CILK1: variants seen among roughly 807,000 people sequenced by gnomAD.
The protein encoded by CILK1 is serine/threonine-protein kinase ICK.
Under a neutral mutation model 79.2 loss-of-function variants are expected in CILK1, and 47 were observed. The observed-to-expected ratio is 0.59, with a 90% CI of 0.47 to 0.76. The LOEUF is 0.76. Ranked by LOEUF, CILK1 falls within the 30% of genes least tolerant of loss-of-function variation. The pLI is 0.00. For missense variants in CILK1, 660 were observed against 769.5 expected (o/e 0.86, Z 1.68); for synonymous variants, 266 against 275.9 (o/e 0.96, Z 0.36).
At chr6:53,059,412 T>C (rs998693890) in intron 1 of CILK1, among the ~76,000 whole-genome samples, 8 of 152,060 alleles carry the variant, frequency 5.3e-5, no homozygotes, top group Admixed American at 2.0e-4. Flanking sequence ...CCTAAACCAA[T>C]TGGAGATCAA....
At chr6:53,023,570 G>C (rs931331503) in intron 5 of CILK1, among the ~76,000 whole-genome samples, 4 of 152,184 alleles carry the variant, frequency 2.6e-5, no homozygotes, top group Admixed American at 1.3e-4. Context: ...GACAGAGGGA[G>C]TTGTATTAGT....
chr6:53,019,804 C>T (rs561473642), intron 5 of CILK1, among the ~76,000 whole-genome samples: 30 of 151,518 alleles, frequency 2.0e-4, no homozygotes, highest in African/African-American at 7.3e-4. Context: ...ACTACTGGCA[C>T]AAACCATGGT....
chr6:53,016,503 A>G (rs1463479393), intron 7 of CILK1, among the ~76,000 whole-genome samples: 1 of 152,198 alleles, frequency 6.6e-6, no homozygotes, highest in Non-Finnish European at 1.5e-5. Flanking sequence ...TTATCTTTAC[A>G]TAAGAGATTC....
At chr6:53,011,042 G>C (rs182779442) in intron 11 of CILK1, among the ~76,000 whole-genome samples, 16 of 152,306 alleles carry the variant, frequency 1.1e-4, no homozygotes, top group Admixed American at 5.9e-4. Context: ...CACTAATGCT[G>C]TAAGTTTGGA....
chr6:53,059,863 CTCAT>C (rs559359003), intron 1 of CILK1, among the ~76,000 whole-genome samples: 2 of 152,180 alleles, frequency 1.3e-5, no homozygotes, highest in East Asian at 3.8e-4. Flanking sequence ...AGGGATGCTT[CTCAT>C]TCATTCATTC....
At chr6:53,038,189 CCA>C (rs1766479020) in intron 2 of CILK1, among the ~76,000 whole-genome samples, 196 bp from the exon 3 acceptor site, 1 of 152,182 alleles carries the variant, frequency 6.6e-6, no homozygotes, top group Non-Finnish European at 1.5e-5. Flanking sequence ...ACAAATTTTG[CCA>C]GTAGCAGTGG....
chr6:53,018,654 G>A (rs980358246), intron 6 of CILK1, among the ~76,000 whole-genome samples, 153 bp from the exon 7 acceptor site: 4 of 152,226 alleles, frequency 2.6e-5, no homozygotes, highest in South Asian at 2.1e-4. Flanking sequence ...GGCAACTGCC[G>A]TGGGCTGCTG....
intron 1 of CILK1, among the ~76,000 whole-genome samples, chr6:53,053,631 T>C (rs1385633266): frequency 6.6e-6 from 1 of 152,212 alleles, no homozygotes; most frequent in East Asian, 1.9e-4. Flanking sequence ...GGGAAAGCTT[T>C]CAAAAGATCA....
intron 8 of CILK1, among the ~76,000 whole-genome samples, 187 bp from the exon 9 acceptor site, chr6:53,014,169 T>C (rs1764759432): frequency 1.3e-5 from 2 of 152,238 alleles, no homozygotes; most frequent in East Asian, 3.8e-4. Flanking sequence ...ATATATGTAA[T>C]GATTGCAACA....
intron 5 of CILK1, among the ~76,000 whole-genome samples, chr6:53,024,790 T>C (rs1253304770): frequency 6.6e-6 from 1 of 151,834 alleles, no homozygotes; most frequent in African/African-American, 2.4e-5. Context: ...ATAGCTATTA[T>C]AGTGTCCAGC....
chr6:53,012,385 CT>C (rs1203627420), intron 9 of CILK1, among the ~76,000 whole-genome samples, 158 bp from the exon 10 acceptor site: 8 of 152,194 alleles, frequency 5.3e-5, no homozygotes, highest in African/African-American at 1.9e-4. Flanking sequence ...CATTCCCAAT[CT>C]TTCTGTCTCA....
chr6:53,038,627 A>C (rs1042402055), intron 2 of CILK1, among the ~76,000 whole-genome samples: 1 of 152,208 alleles, frequency 6.6e-6, no homozygotes, highest in African/African-American at 2.4e-5. Flanking sequence ...TCAAAAGAAG[A>C]ATAATATTTC....
At chr6:53,015,994 TAATACTA>T in intron 8 of CILK1, 82 bp downstream of exon 8, 1 of 1,317,936 alleles carries the variant, frequency 7.6e-7, no homozygotes, top group African/African-American at 1.4e-5. Flanking sequence ...TTCTCACCCA[TAATACTA>T]AATACTAAAT....
intron 8 of CILK1, among the ~76,000 whole-genome samples, chr6:53,014,562 G>T (rs1416230743): frequency 2.0e-5 from 3 of 152,190 alleles, no homozygotes; most frequent in Non-Finnish European, 4.4e-5. Flanking sequence ...AGTTTAGGGG[G>T]TTACAATTCT....
rs185184707 is a variant in CILK1, at chr6:53,014,950, G to A, written c.832-968C>T. ...CCAAAAGCTTCTTTTCTGCCCTGCA[G>A]CCATTTGTGAATTTCACCACCAGAA... On this transcript the variant is annotated intron_variant, in intron 8 of 13. Transcript: ENST00000676107. Among the ~76,000 whole-genome samples, 162 of 152,284 alleles carry A rather than the reference G, an allele frequency of 1.1e-3. 1 individual carries two copies. The highest frequency in any genetic ancestry group is 3.8e-3 in the African/African-American group (159 of 41,552).
chr6:53,013,650 T>G lies in CILK1; in HGVS notation c.1152+12A>C. 6.2e-7 allele frequency: 1 copy of G among 1,613,200 alleles called. No individual in the cohort carries two copies. The highest frequency in any genetic ancestry group is 8.5e-7 in the Non-Finnish European group (1 of 1,179,252). ...CAGACACGAAGCTCACTGGTGAATCTGGGCTGCTCACCGACTGTGGATGCT... is the reference window on the plus strand; with the variant it reads ...CAGACACGAAGCTCACTGGTGAATCGGGGCTGCTCACCGACTGTGGATGCT... On this transcript the variant is annotated intron_variant, in intron 9 of 13. Transcript: ENST00000676107.
intron 1 of CILK1, among the ~76,000 whole-genome samples, chr6:53,061,221 G>A (rs1768422131): frequency 6.6e-6 from 1 of 152,202 alleles, no homozygotes; most frequent in African/African-American, 2.4e-5. Context: ...AAGAAATCCA[G>A]TAAAAAATGG....
At chr6:53,013,553 C>A in intron 9 of CILK1, 109 bp downstream of exon 9, 1 of 1,030,590 alleles carries the variant, frequency 9.7e-7, no homozygotes. Context: ...AAACATAAAT[C>A]TACCATAACT....
intron 13 of CILK1, 97 bp from the exon 14 acceptor site, chr6:53,005,400 G>C: frequency 7.5e-7 from 1 of 1,329,272 alleles, no homozygotes; most frequent in Non-Finnish European, 1.1e-6. Context: ...GAGAAAATAA[G>C]GAGTTCAAGA....
Sources: gnomAD v4.1 joint callset for allele counts (sites outside exome capture counted in the v4.1 genomes callset) on GRCh38, gnomAD v4.1.1 for gene constraint, MANE v1.5 for transcripts, NCBI Gene and HGNC (gene_info 2026-07-23, HGNC 2026-07-21) for gene names.